The following GNAL variants were observed in gnomAD, a reference collection of about 807,000 sequenced individuals.
GNAL encodes guanine nucleotide-binding protein G(olf) subunit alpha.
GNAL carries 18 observed loss-of-function variants against 55.1 expected under a neutral mutation model. That is an observed-to-expected ratio of 0.33 (90% CI 0.23 to 0.48). GNAL has a LOEUF of 0.48. Among genes scored for constraint, GNAL ranks in the 20% least tolerant of loss-of-function variants. The pLI is 0.99. For missense variants in GNAL, 412 were observed against 614.1 expected (o/e 0.67, Z 3.48); for synonymous variants, 253 against 237.0 (o/e 1.07, Z -0.62).
At chr18:11,825,779 T>C (rs539524694) in intron 5 of GNAL, among the ~76,000 whole-genome samples, 17 of 145,056 alleles carry the variant, frequency 1.2e-4, no homozygotes, top group African/African-American at 3.7e-4. Flanking sequence ...CAGGGCTGGC[T>C]CATTGTTTTT....
At chr18:11,747,722 AAAG>A (rs2032722098) in intron 1 of GNAL, 1 of 148,400 alleles carries the variant, frequency 6.7e-6, no homozygotes, top group East Asian at 1.9e-4. Context: ...AAAAAAAAAG[AAAG>A]AAAAAGACTT....
intron 10 of GNAL, among the ~76,000 whole-genome samples, chr18:11,873,849 C>T (rs1017973133): frequency 9.6e-4 from 146 of 152,004 alleles, no homozygotes; most frequent in Non-Finnish European, 1.4e-3. Context: ...GCTCGGCGGC[C>T]GGGGGGTCCT....
intron 4 of GNAL, among the ~76,000 whole-genome samples, chr18:11,807,823 C>A (rs1489757847): frequency 6.6e-6 from 1 of 152,152 alleles, no homozygotes; most frequent in Non-Finnish European, 1.5e-5. Context: ...AGAGAGGGAG[C>A]CAGCAGTGAA....
At chr18:11,790,745 C>G (rs1568028609) in intron 4 of GNAL, among the ~76,000 whole-genome samples, 1 of 147,718 alleles carries the variant, frequency 6.8e-6, no homozygotes, top group Non-Finnish European at 1.5e-5. Flanking sequence ...CAAGCTCTGC[C>G]TCCCGGGTTC....
rs1049590009 is a variant in GNAL at position 11,881,957 on chromosome 18, T to C, written c.*822T>C. On this transcript the variant is annotated 3_prime_UTR_variant, in exon 12 of 12. Coordinates refer to ENST00000334049, the MANE Select transcript of GNAL (RefSeq NM_182978.4). This position sits in a 1 kb window ranked among gnomAD's most constrained non-coding sequence, Gnocchi z 4.8. ...ATCTATACCTGTACATGAAATGTGTTTGTATTGTGCTGAAGAGCTTAATGT... is the reference window on the plus strand; with the variant it reads ...ATCTATACCTGTACATGAAATGTGTCTGTATTGTGCTGAAGAGCTTAATGT... 1.3e-5 allele frequency: 2 copies of C among 152,652 alleles called. No homozygotes were observed. The highest frequency in any genetic ancestry group is 2.9e-5 in the Non-Finnish European group (2 of 68,038). 9.5% of individuals were successfully genotyped at this position (152,652 alleles called of 1,614,324 possible).
chr18:11,820,769 T>C (rs760373241), intron 4 of GNAL, among the ~76,000 whole-genome samples: 3 of 152,258 alleles, frequency 2.0e-5, no homozygotes, highest in Non-Finnish European at 4.4e-5. Context: ...CATGGGGACT[T>C]AGCTGTATGC....
Position 11,692,950 on chromosome 18 carries a change from A to G in GNAL, c.376+3011A>G, listed in dbSNP as rs2031299857. 2.0e-5 allele frequency among the ~76,000 whole-genome samples: 3 copies of G among 152,160 alleles called. No individual in the cohort carries two copies. In the South Asian group the frequency reaches 6.2e-4, roughly 32 times the overall value. On this transcript the variant is annotated intron_variant, in intron 1 of 11. Coordinates refer to ENST00000334049, the MANE Select transcript of GNAL (RefSeq NM_182978.4). Reference sequence around the variant, plus strand: ...GCATGAGCCACCATGCTCTACCTGGAAAGACATTAATTGGAAATTACTTCA... The same window carrying G: ...GCATGAGCCACCATGCTCTACCTGGGAAGACATTAATTGGAAATTACTTCA...
Position 11,798,480 on chromosome 18 carries a change from T to C in GNAL, c.625-26438T>C, listed in dbSNP as rs561788635. ...CATAGAGTTCACCTGAACCTGACCT[T>C]CACCCCACCCAGCTCATTCTCTGAA... On this transcript the variant is annotated intron_variant, in intron 4 of 11. Coordinates refer to ENST00000334049, the MANE Select transcript of GNAL (RefSeq NM_182978.4). Among the ~76,000 whole-genome samples the C allele has an allele frequency of 2.6e-5, 4 of 152,256 alleles. No individual in the cohort carries two copies. The South Asian group carries it at 8.3e-4, about 32-fold the overall frequency.
rs186999270 is a variant in GNAL, at chr18:11,885,419, G to A, written c.*4284G>A. The A allele has an allele frequency of 8.8e-4, 434 of 493,132 alleles. 1 individual carries two copies. Among genetic ancestry groups the A allele is most frequent in the African/African-American group, 7.7e-3 (398 of 51,770 alleles). 30.5% of individuals were successfully genotyped at this position (493,132 alleles called of 1,614,324 possible). A position where few individuals can be genotyped will look rare whatever the true frequency, so the allele number is the denominator to read the frequency against. The stretch of plus-strand genomic sequence containing the variant: ...CACAGAGTGTAAGAGGAGAGGATAC[G>A]GCCCTCCCTGAAGGATAAAGTCCAC... On this transcript the variant is annotated 3_prime_UTR_variant, in exon 12 of 12. Coordinates refer to ENST00000334049, the MANE Select transcript of GNAL (RefSeq NM_182978.4).
chr18:11,859,515 C>T (rs1202522562), intron 5 of GNAL, among the ~76,000 whole-genome samples: 4 of 152,206 alleles, frequency 2.6e-5, no homozygotes, highest in Non-Finnish European at 5.9e-5. Flanking sequence ...GAATTCCTGC[C>T]TCCAGGCTCC....
chr18:11,885,523 G>A lies in GNAL; in HGVS notation c.*4388G>A, dbSNP rs778225012. ...TGATTGGTTCCCGGAAGGGTGTTTG[G>A]CAAGGGGCAGTGTATGGAGCTACGT... is the stretch of plus-strand genomic sequence containing the variant. On this transcript the variant is annotated 3_prime_UTR_variant, in exon 12 of 12. Coordinates refer to ENST00000334049, the MANE Select transcript of GNAL (RefSeq NM_182978.4). The A allele has an allele frequency of 9.2e-5, 81 of 876,138 alleles. No individual in the cohort carries two copies. Among genetic ancestry groups the A allele is most frequent in the Non-Finnish European group, 1.3e-4 (72 of 575,080 alleles). The allele number at this position is 876,138 out of a possible 1,614,324, so 54.3% of individuals were successfully genotyped here. A position where few individuals can be genotyped will look rare whatever the true frequency, so the allele number is the denominator to read the frequency against.
At chr18:11,764,578 G>A (rs1046194367) in intron 4 of GNAL, among the ~76,000 whole-genome samples, 2 of 152,206 alleles carry the variant, frequency 1.3e-5, no homozygotes, top group African/African-American at 2.4e-5. Flanking sequence ...AGGCCCAGGC[G>A]GGTGGATCAC....
intron 7 of GNAL, among the ~76,000 whole-genome samples, chr18:11,866,055 A>C (rs2036256422): frequency 6.7e-6 from 1 of 149,966 alleles, no homozygotes; most frequent in Non-Finnish European, 1.5e-5. Context: ...TCACATGGCC[A>C]CTGTCAGGCT....
chr18:11,732,073 A>G (rs77246719), intron 1 of GNAL, among the ~76,000 whole-genome samples: 1,541 of 152,228 alleles, frequency 0.01, 28 homozygotes, highest in African/African-American at 0.034. Context: ...TATTTTGTCT[A>G]TTTATCATTG....
chr18:11,747,110 C>T (rs1316268249), intron 1 of GNAL: 19 of 416,842 alleles, frequency 4.6e-5, no homozygotes, highest in Admixed American at 1.1e-4. Flanking sequence ...GTGTTCTCAG[C>T]GCAGATCGAA....
At chr18:11,791,733 C>G (rs9303747) in intron 4 of GNAL, among the ~76,000 whole-genome samples, 137,044 of 152,262 alleles carry the variant, frequency 0.9, 61,760 homozygotes, top group East Asian at 0.95. Flanking sequence ...AGATATCTAT[C>G]AAGTTTTCTG....
chr18:11,884,388 G>T lies in GNAL; in HGVS notation c.*3253G>T. On this transcript the variant is annotated 3_prime_UTR_variant, in exon 12 of 12. Transcript: ENST00000334049. The stretch of plus-strand genomic sequence containing the variant: ...CTCATCATCCACTTGATTCTAACAT[G>T]ATCTCTGCCCAAAGTTCCATTTCTT... The T allele has an allele frequency of 6.4e-7, 1 of 1,551,770 alleles. No individual in the cohort carries two copies. Among genetic ancestry groups the T allele is most frequent in the Non-Finnish European group, 8.8e-7 (1 of 1,130,436 alleles).
At chr18:11,699,753 A>G (rs1265721172) in intron 1 of GNAL, among the ~76,000 whole-genome samples, 2 of 152,196 alleles carry the variant, frequency 1.3e-5, no homozygotes, top group Non-Finnish European at 2.9e-5. Context: ...ACCGCTCCCT[A>G]TGATACCATA....
At position 11,730,536 on chromosome 18, in the gene GNAL, G is replaced by A. The variant is rs974528547; in HGVS notation, c.377-22317G>A. ...CCCAGCACTTTGGGAGGCCAACGCA[G>A]GTGGATCACCTGAGGTCAGGAGTTC... On this transcript the variant is annotated intron_variant, in intron 1 of 11. Transcript: ENST00000334049. Among the ~76,000 whole-genome samples the A allele has an allele frequency of 3.0e-4, 46 of 151,948 alleles. 2 individuals carry two copies. Among genetic ancestry groups the A allele is most frequent in the Non-Finnish European group, 1.5e-5 (1 of 67,994 alleles).
Sources: allele counts gnomAD v4.1 joint callset (sites outside exome capture counted in the v4.1 genomes callset), GRCh38; gene constraint gnomAD v4.1.1; non-coding constraint Gnocchi (gnomAD v3.1); transcripts MANE v1.5; gene names NCBI Gene and HGNC (gene_info 2026-07-23, HGNC 2026-07-21).